The following MBP variants were observed in gnomAD, a reference collection of about 807,000 sequenced individuals.
MBP encodes the protein myelin basic protein.
Under a neutral mutation model 35.8 loss-of-function variants are expected in MBP, and 16 were observed. The ratio of observed to expected loss-of-function variants is 0.45; its 90% CI spans 0.30 to 0.68. MBP has a LOEUF of 0.68. Ranked by LOEUF, MBP falls within the 30% of genes least tolerant of loss-of-function variation. MBP has a pLI of 0.08. For missense variants in MBP, 380 were observed against 404.7 expected (o/e 0.94, Z 0.52); for synonymous variants, 143 against 159.6 (o/e 0.90, Z 0.78).
chr18:77,004,389 T>C (rs1408668169), intron 4 of MBP: 1 of 151,980 alleles, frequency 6.6e-6, no homozygotes, highest in African/African-American at 2.4e-5. Flanking sequence ...GATCAGGGCA[T>C]TTTAGATTTT....
intron 3 of MBP, among the ~76,000 whole-genome samples, chr18:77,040,960 A>C (rs1972965148): frequency 6.6e-6 from 1 of 152,146 alleles, no homozygotes; most frequent in Non-Finnish European, 1.5e-5. Context: ...GAGCTTCTGC[A>C]CAGCAAAAGA....
intron 3 of MBP, among the ~76,000 whole-genome samples, chr18:77,060,983 G>A (rs764010576): frequency 2.0e-5 from 3 of 152,178 alleles, no homozygotes; most frequent in Admixed American, 1.3e-4. Context: ...GCAACCAGCC[G>A]CTCAGAACTC....
chr18:77,016,932 C>T lies in MBP; in HGVS notation c.476G>A (p.Arg159Lys), dbSNP rs1218101064. Residue 159 changes from arginine (R) to lysine (K), a missense_variant, in exon 4 of 9, where the codon AGG becomes AAG. By Grantham distance (26) the Arg-to-Lys change is conservative. Transcript: ENST00000355994. ...TCTGTGCCTTGGGAGGAAGCCATGC[C>T]TGGCATGGTCCATGGTACTTGCTGT... is the stretch of plus-strand genomic sequence containing the variant. ...LATASTMDHA[R>K]HGFLPRHRDT... 6.2e-6 allele frequency: 10 copies of T among 1,614,136 alleles called. No homozygotes were observed. In the Admixed American group the frequency reaches 1.2e-4, roughly 19 times the overall value.
chr18:77,019,763 C>T (rs778767298), intron 3 of MBP, among the ~76,000 whole-genome samples: 2 of 152,086 alleles, frequency 1.3e-5, no homozygotes, highest in Non-Finnish European at 1.5e-5. Context: ...CTGGGCCCTG[C>T]GAGGACTTGG....
chr18:77,025,825 C>G (rs1337000617), intron 3 of MBP, among the ~76,000 whole-genome samples: 1 of 149,180 alleles, frequency 6.7e-6, no homozygotes, highest in East Asian at 2.0e-4. Context: ...AGACAAACAT[C>G]TGGGTTCCCA....
intron 3 of MBP, among the ~76,000 whole-genome samples, chr18:77,038,547 G>T (rs1265972573): frequency 6.6e-6 from 1 of 152,208 alleles, no homozygotes; most frequent in Admixed American, 6.5e-5. Context: ...TCCTGGGAAT[G>T]ACAGGAGCCC....
intron 3 of MBP, among the ~76,000 whole-genome samples, chr18:77,047,756 G>T (rs1345540464): frequency 6.6e-6 from 1 of 152,130 alleles, no homozygotes; most frequent in African/African-American, 2.4e-5. Context: ...GATAAAGATG[G>T]TATACTCAAT....
chr18:76,992,605 G>A (rs372465794), intron 4 of MBP, among the ~76,000 whole-genome samples: 11 of 152,248 alleles, frequency 7.2e-5, no homozygotes, highest in Non-Finnish European at 1.0e-4. Context: ...GGGCCCTAAC[G>A]TGGTGAGGCT....
In MBP at chr18:77,105,301, G is replaced by GA. The variant is rs1325069909; in HGVS notation, c.-25-16dup. 1 of 1,537,180 alleles carries GA rather than the reference G, an allele frequency of 6.5e-7. No homozygotes were observed. Among genetic ancestry groups the GA allele is most frequent in the South Asian group, 1.1e-5 (1 of 89,530 alleles). On this transcript the variant is annotated splice_polypyrimidine_tract_variant and intron_variant, in intron 1 of 8. Coordinates refer to ENST00000355994, the MANE Select transcript of MBP (RefSeq NM_001025101.2). ...CTCTTCAGAGGCTAAAAGAGAAAGA[G>GA]AAAGTGTCAGCCCTAAGTCTAGTGC...
chr18:76,991,578 C>G (rs752962097), intron 4 of MBP, among the ~76,000 whole-genome samples: 1 of 152,170 alleles, frequency 6.6e-6, no homozygotes, highest in Non-Finnish European at 1.5e-5. Context: ...AGGAAAGGGA[C>G]TCGGGGGAGC....
intron 3 of MBP, among the ~76,000 whole-genome samples, chr18:77,027,056 A>G (rs1972251779): frequency 6.6e-6 from 1 of 152,124 alleles, no homozygotes; most frequent in South Asian, 2.1e-4. Flanking sequence ...TATTTTATGT[A>G]TTTGCATCGT....
In MBP at chr18:77,046,308, C is replaced by T. The variant is rs1242112157; in HGVS notation, c.139+19990G>A. On this transcript the variant is annotated intron_variant, in intron 3 of 8. Transcript: ENST00000355994. ...GCTTACTCCCGCATTAGCAAGATAC[C>T]CAGTTTTGTCAGATATTTGTGCTTT... is the stretch of plus-strand genomic sequence containing the variant. 2.6e-5 allele frequency among the ~76,000 whole-genome samples: 4 copies of T among 152,272 alleles called. No homozygotes were observed. The East Asian group carries it at 7.7e-4, about 29-fold the overall frequency.
intron 3 of MBP, among the ~76,000 whole-genome samples, chr18:77,018,084 T>C (rs1428604001): frequency 6.6e-6 from 1 of 152,234 alleles, no homozygotes; most frequent in Non-Finnish European, 1.5e-5. Context: ...CATATTCCTG[T>C]AATACCAGTC....
At chr18:77,073,820 G>A (rs1974545311) in intron 2 of MBP, among the ~76,000 whole-genome samples, 1 of 152,340 alleles carries the variant, frequency 6.6e-6, no homozygotes, top group East Asian at 1.9e-4. Flanking sequence ...CAGCCAGCTC[G>A]ATGGGTGTAT....
intron 1 of MBP, among the ~76,000 whole-genome samples, chr18:77,118,646 CCA>C (rs71174610): frequency 0.22 from 29,849 of 134,964 alleles, 3,977 homozygotes; most frequent in Middle Eastern, 0.34. Flanking sequence ...ACACTACACA[CCA>C]CACACACACA....
intron 3 of MBP, among the ~76,000 whole-genome samples, chr18:77,025,863 G>C (rs1972199349): frequency 6.6e-6 from 1 of 152,128 alleles, no homozygotes; most frequent in Admixed American, 6.5e-5. Flanking sequence ...GAGTAAACCA[G>C]GACGGACAGG....
chr18:77,126,380 G>A (rs1977050435), intron 1 of MBP, among the ~76,000 whole-genome samples: 1 of 152,112 alleles, frequency 6.6e-6, no homozygotes, highest in African/African-American at 2.4e-5. Context: ...ACACATTCAT[G>A]AATAGACATG....
chr18:76,999,076 C>G (rs1001429577), intron 4 of MBP, among the ~76,000 whole-genome samples: 48 of 151,802 alleles, frequency 3.2e-4, no homozygotes, highest in African/African-American at 1.1e-3. Context: ...ACTTATCATT[C>G]TGTCACACCT....
At chr18:77,104,419 C>T (rs990068988) in intron 2 of MBP, among the ~76,000 whole-genome samples, 36 of 152,226 alleles carry the variant, frequency 2.4e-4, no homozygotes, top group African/African-American at 7.2e-4. Flanking sequence ...AGTAGCCGCA[C>T]GCAGGAGAAA....
Sources: allele counts gnomAD v4.1 joint callset (sites outside exome capture counted in the v4.1 genomes callset), GRCh38; gene constraint gnomAD v4.1.1; transcripts MANE v1.5; gene names NCBI Gene and HGNC (gene_info 2026-07-23, HGNC 2026-07-21).